The following BABAM2 variants were observed in gnomAD, a reference collection of about 807,000 sequenced individuals.
BABAM2 encodes the protein BRISC and BRCA1-A complex member 2.
A neutral mutation model predicts 54.7 loss-of-function variants in BABAM2; 31 were observed. The observed-to-expected ratio is 0.57, with a 90% CI of 0.43 to 0.77. The LOEUF (loss-of-function observed/expected upper bound fraction) is 0.77. Ranked by LOEUF, BABAM2 falls within the 30% of genes least tolerant of loss-of-function variation. The probability of loss-of-function intolerance (pLI) is 0.00; values close to 1 mark genes in which losing one functional copy is unlikely to be tolerated. For synonymous variants in BABAM2, 167 were observed against 162.9 expected (o/e 1.03, Z -0.19); for missense variants, 364 against 455.8 (o/e 0.80, Z 1.83).
chr2:28,124,557 A>C (rs1669339000), intron 6 of BABAM2, among the ~76,000 whole-genome samples: 1 of 152,188 alleles, frequency 6.6e-6, no homozygotes, highest in Admixed American at 6.5e-5. Flanking sequence ...TATTGGTGAC[A>C]AAAAAATTTG....
At chr2:27,909,589 G>A (rs1324190197) in intron 2 of BABAM2, among the ~76,000 whole-genome samples, 1 of 152,106 alleles carries the variant, frequency 6.6e-6, no homozygotes, top group Non-Finnish European at 1.5e-5. Context: ...CTTCTTGTAT[G>A]TTCTCCAGTT....
chr2:28,313,478 G>A (rs1208140164), intron 11 of BABAM2, among the ~76,000 whole-genome samples: 1 of 152,192 alleles, frequency 6.6e-6, no homozygotes, highest in Admixed American at 6.5e-5. Flanking sequence ...TGGGGTGGGG[G>A]TGAGCTAGGG....
intron 6 of BABAM2, among the ~76,000 whole-genome samples, chr2:28,103,529 G>A (rs975474811): frequency 6.6e-6 from 1 of 152,056 alleles, no homozygotes; most frequent in Non-Finnish European, 1.5e-5. Context: ...GGCTGGCCTC[G>A]AACTCCAGGG....
At chr2:28,154,385 C>G (rs1462196371) in intron 7 of BABAM2, among the ~76,000 whole-genome samples, 1 of 152,082 alleles carries the variant, frequency 6.6e-6, no homozygotes, top group African/African-American at 2.4e-5. Context: ...TGGAGAAACA[C>G]GAATATTTCA....
At chr2:27,971,332 A>T (rs1558627458) in intron 3 of BABAM2, among the ~76,000 whole-genome samples, 1 of 152,172 alleles carries the variant, frequency 6.6e-6, no homozygotes, top group Non-Finnish European at 1.5e-5. Flanking sequence ...TCTTTAGAGA[A>T]TGAGAAAACA....
At chr2:28,249,856 A>G (rs1573929621) in intron 10 of BABAM2, among the ~76,000 whole-genome samples, 1 of 151,872 alleles carries the variant, frequency 6.6e-6, no homozygotes, top group Non-Finnish European at 1.5e-5. Flanking sequence ...GTCTCAAAAC[A>G]CCTCGGGCTC....
chr2:28,134,181 A>G (rs1404550988), intron 7 of BABAM2, among the ~76,000 whole-genome samples: 2 of 146,074 alleles, frequency 1.4e-5, no homozygotes, highest in Admixed American at 7.2e-5. Context: ...TTAAAAAAAA[A>G]AAAAAGTCAA....
rs754507874 is a variant in BABAM2 at position 28,045,773 on chromosome 2, A to G, written c.544A>G (p.Ser182Gly). ...RFLLKLPVDF[S>G]NIPTYLLKDV... ...CCTTTTGAAGCTGCCCGTAGATTTC[A>G]GCAATATCCCCACATACCTTCTCAA... Residue 182 changes from serine (S) to glycine (G), a missense_variant, in exon 6 of 12, where the codon AGC becomes GGC. Transcript: ENST00000379624. 1 of 1,611,728 alleles carries G rather than the reference A, an allele frequency of 6.2e-7. No homozygotes were observed. The highest frequency in any genetic ancestry group is 1.1e-5 in the South Asian group (1 of 90,726).
chr2:28,321,562 G>T (rs761482664), intron 11 of BABAM2, among the ~76,000 whole-genome samples: 37 of 152,178 alleles, frequency 2.4e-4, no homozygotes, highest in Non-Finnish European at 4.7e-4. Context: ...CAAACCTCTT[G>T]TTCATACTGC....
rs528014979 is a variant in BABAM2, at chr2:28,005,934, A to G, written c.300+17847A>G. Among the ~76,000 whole-genome samples, 7 of 152,242 alleles carry G rather than the reference A, an allele frequency of 4.6e-5. No homozygotes were observed. The East Asian group carries it at 7.7e-4, about 17-fold the overall frequency. On this transcript the variant is annotated intron_variant, in intron 4 of 11. Coordinates refer to ENST00000379624, the MANE Select transcript of BABAM2 (RefSeq NM_199191.3). ...AATATGCAAAAATATAAATCTTTTAAAAAGCATAACCAAAATACCATTATC... is the reference window on the plus strand; with the variant it reads ...AATATGCAAAAATATAAATCTTTTAGAAAGCATAACCAAAATACCATTATC...
chr2:28,219,715 T>C (rs1410330984), intron 7 of BABAM2, among the ~76,000 whole-genome samples: 1 of 151,602 alleles, frequency 6.6e-6, no homozygotes, highest in Non-Finnish European at 1.5e-5. Context: ...GAGAAATTGC[T>C]TTATGTTTAG....
intron 5 of BABAM2, among the ~76,000 whole-genome samples, chr2:28,031,379 C>A (rs1328417019): frequency 1.8e-4 from 27 of 152,100 alleles, no homozygotes; most frequent in Non-Finnish European, 1.5e-5. Flanking sequence ...GTATGCATTT[C>A]TTTTTTCTGC....
chr2:28,157,234 G>A (rs1310697902), intron 7 of BABAM2, among the ~76,000 whole-genome samples: 2 of 152,082 alleles, frequency 1.3e-5, no homozygotes, highest in Non-Finnish European at 2.9e-5. Context: ...ACTATATGAA[G>A]GTCAGATTAC....
At chr2:28,127,744 A>G (rs12053063) in intron 6 of BABAM2, among the ~76,000 whole-genome samples, 108,269 of 151,372 alleles carry the variant, frequency 0.72, 39,224 homozygotes, top group Middle Eastern at 0.8. Context: ...AAGGGGTGGC[A>G]TGACAGACAA....
At chr2:28,302,933 A>G (rs1688221847) in intron 11 of BABAM2, among the ~76,000 whole-genome samples, 1 of 152,006 alleles carries the variant, frequency 6.6e-6, no homozygotes, top group African/African-American at 2.4e-5. Context: ...TTTATTAATG[A>G]GTTGTATATA....
intron 11 of BABAM2, among the ~76,000 whole-genome samples, chr2:28,330,685 A>C (rs1690874316): frequency 6.6e-6 from 1 of 152,246 alleles, no homozygotes; most frequent in Admixed American, 6.5e-5. Flanking sequence ...GTCAGAGAGG[A>C]CACAAACAAA....
At chr2:28,199,554 G>A (rs954869440) in intron 7 of BABAM2, among the ~76,000 whole-genome samples, 15 of 152,126 alleles carry the variant, frequency 9.9e-5, no homozygotes, top group Non-Finnish European at 1.6e-4. Flanking sequence ...ATTAGGGCCC[G>A]GAAGATATGA....
At position 27,985,429 on chromosome 2, in the gene BABAM2, A is replaced by G. The variant is rs368103747; in HGVS notation, c.206-2564A>G. On this transcript the variant is annotated intron_variant, in intron 3 of 11. Coordinates refer to ENST00000379624, the MANE Select transcript of BABAM2 (RefSeq NM_199191.3). ...GATTATGGCCATTCTTGCATGAGTA[A>G]GGTGGTAATCGTATTGTGGTTTTGA... Among the ~76,000 whole-genome samples the G allele has an allele frequency of 9.2e-5, 14 of 152,172 alleles. No individual in the cohort carries two copies. In the South Asian group the frequency reaches 2.1e-3, roughly 23 times the overall value.
chr2:28,204,813 C>T (rs1173940998), intron 7 of BABAM2, among the ~76,000 whole-genome samples: 1 of 152,126 alleles, frequency 6.6e-6, no homozygotes, highest in Non-Finnish European at 1.5e-5. Context: ...TTTGAATTCA[C>T]CAAATCCCAT....
Sources: allele counts gnomAD v4.1 joint callset (sites outside exome capture counted in the v4.1 genomes callset), GRCh38; gene constraint gnomAD v4.1.1; transcripts MANE v1.5; gene names NCBI Gene and HGNC (gene_info 2026-07-23, HGNC 2026-07-21).